Variants in HS3ST5 observed in about 807,000 individuals in gnomAD.
HS3ST5 encodes the protein heparan sulfate-glucosamine 3-sulfotransferase 5.
In HS3ST5, 10 loss-of-function variants were observed where a neutral mutation model predicts 25.4. The observed-to-expected ratio is 0.39, with a 90% CI of 0.24 to 0.67. HS3ST5 has a LOEUF of 0.67. HS3ST5 is among the 30% of genes least tolerant of loss of function. HS3ST5 has a pLI of 0.44. For synonymous variants in HS3ST5, 170 were observed against 162.4 expected, an observed-to-expected ratio of 1.05 and a Z score of -0.36; for missense variants, 324 against 420.7, an observed-to-expected ratio of 0.77 and a Z score of 2.01.
At chr6:114,150,800 C>T (rs1018318594) in intron 3 of HS3ST5, among the ~76,000 whole-genome samples, 3 of 152,196 alleles carry the variant, frequency 2.0e-5, no homozygotes, top group African/African-American at 7.2e-5. Flanking sequence ...TATTTATTCA[C>T]TGCAAGCATG....
intron 3 of HS3ST5, among the ~76,000 whole-genome samples, chr6:114,122,936 G>C (rs1166002855): frequency 6.6e-6 from 1 of 152,124 alleles, no homozygotes; most frequent in East Asian, 1.9e-4. Context: ...TGTATATACA[G>C]ATAGTTTTTG....
intron 1 of HS3ST5, among the ~76,000 whole-genome samples, chr6:114,339,419 T>C (rs1463211361): frequency 6.6e-6 from 1 of 152,144 alleles, no homozygotes; most frequent in Non-Finnish European, 1.5e-5. Context: ...TCCCCTTTTC[T>C]AAAAAATCCT....
rs900332797 is a variant in HS3ST5, at chr6:114,115,603, A to T, written c.-32-52726T>A. 3.3e-5 allele frequency among the ~76,000 whole-genome samples: 5 copies of T among 152,204 alleles called. No individual in the cohort carries two copies. In the South Asian group the frequency reaches 6.2e-4, roughly 19 times the overall value. Reference sequence around the variant, plus strand: ...TTCCCTTATACACAATCCCTCCACAAATGCAAAAAACATGGCTAACTTGCT... The same window carrying T: ...TTCCCTTATACACAATCCCTCCACATATGCAAAAAACATGGCTAACTTGCT... On this transcript the variant is annotated intron_variant, in intron 3 of 4. Coordinates refer to ENST00000312719, the MANE Select transcript of HS3ST5 (RefSeq NM_153612.4).
chr6:114,278,144 C>A (rs1773947861), intron 1 of HS3ST5, among the ~76,000 whole-genome samples: 1 of 151,906 alleles, frequency 6.6e-6, no homozygotes, highest in Admixed American at 6.6e-5. Flanking sequence ...CCAAAAGGGG[C>A]AAAGGAGCAG....
At chr6:114,226,514 G>A (rs1027631571) in intron 2 of HS3ST5, among the ~76,000 whole-genome samples, 5 of 151,766 alleles carry the variant, frequency 3.3e-5, no homozygotes, top group Admixed American at 2.0e-4. Context: ...TAACCAGATT[G>A]TTGTTTACTA....
At chr6:114,258,717 T>G (rs771410796) in intron 1 of HS3ST5, among the ~76,000 whole-genome samples, 2 of 152,168 alleles carry the variant, frequency 1.3e-5, no homozygotes, top group African/African-American at 2.4e-5. Flanking sequence ...ATTTAAAAAC[T>G]GTTGGGTATT....
At position 114,304,381 on chromosome 6, in the gene HS3ST5, T is replaced by A. The variant is rs558645317; in HGVS notation, c.-339+37814A>T. On this transcript the variant is annotated intron_variant, in intron 1 of 4. Transcript: ENST00000312719. The stretch of plus-strand genomic sequence containing the variant: ...GGCTACCACAGAAATAAAGCAGTAG[T>A]GTTCTCACAAAGCTTTGTGCTGCAT... Among the ~76,000 whole-genome samples the A allele has an allele frequency of 3.3e-5, 5 of 152,248 alleles. No homozygotes were observed. In the South Asian group the frequency reaches 1.0e-3, roughly 32 times the overall value.
intron 3 of HS3ST5, among the ~76,000 whole-genome samples, chr6:114,095,507 C>A (rs1229083049): frequency 6.6e-6 from 1 of 152,098 alleles, no homozygotes; most frequent in Non-Finnish European, 1.5e-5. Flanking sequence ...GGGCAAATAA[C>A]CAAAGAAGAC....
At chr6:114,335,698 A>G (rs1297600930) in intron 1 of HS3ST5, among the ~76,000 whole-genome samples, 1 of 149,620 alleles carries the variant, frequency 6.7e-6, no homozygotes, top group Admixed American at 6.7e-5. Flanking sequence ...CTCTGTTGCC[A>G]GGCTGGAGTG....
intron 1 of HS3ST5, chr6:114,251,955 A>G (rs911654205): frequency 6.6e-6 from 1 of 152,196 alleles, no homozygotes; most frequent in Non-Finnish European, 1.5e-5. Context: ...TATAACAGGA[A>G]AGCACTGTAA....
At chr6:114,074,864 G>A (rs1354611996) in intron 3 of HS3ST5, among the ~76,000 whole-genome samples, 1 of 151,880 alleles carries the variant, frequency 6.6e-6, no homozygotes, top group African/African-American at 2.4e-5. Flanking sequence ...CCCCTTCTTA[G>A]GCATGCTAAC....
At chr6:114,237,387 T>C (rs893963755) in intron 1 of HS3ST5, among the ~76,000 whole-genome samples, 2 of 152,070 alleles carry the variant, frequency 1.3e-5, no homozygotes, top group African/African-American at 4.8e-5. Context: ...TGGCTTCTAA[T>C]CTAGGCTCTA....
intron 1 of HS3ST5, among the ~76,000 whole-genome samples, chr6:114,290,744 T>C (rs1334529690): frequency 5.3e-5 from 8 of 152,128 alleles, no homozygotes; most frequent in Admixed American, 2.6e-4. Context: ...TGACAATTAC[T>C]AGGTGCCACT....
intron 2 of HS3ST5, among the ~76,000 whole-genome samples, chr6:114,206,310 T>A (rs1781275145): frequency 6.6e-6 from 1 of 152,170 alleles, no homozygotes; most frequent in Non-Finnish European, 1.5e-5. Context: ...TTCCTCCTGA[T>A]GCACAAAACA....
At chr6:114,107,706 A>G (rs1776062850) in intron 3 of HS3ST5, among the ~76,000 whole-genome samples, 1 of 152,266 alleles carries the variant, frequency 6.6e-6, no homozygotes, top group African/African-American at 2.4e-5. Context: ...GTATTTCTAT[A>G]TACTAGCAGT....
intron 3 of HS3ST5, among the ~76,000 whole-genome samples, chr6:114,065,609 A>G (rs1374606447): frequency 6.6e-6 from 1 of 152,204 alleles, no homozygotes; most frequent in African/African-American, 2.4e-5. Context: ...TGATATTACT[A>G]TATAAAGGTT....
intron 3 of HS3ST5, among the ~76,000 whole-genome samples, chr6:114,078,229 C>T (rs575691895): frequency 7.2e-4 from 109 of 151,616 alleles, no homozygotes; most frequent in East Asian, 5.8e-4. Context: ...TTTTCTGAGA[C>T]GGGGTCTTGC....
chr6:114,147,264 G>C (rs868061098), intron 3 of HS3ST5, among the ~76,000 whole-genome samples: 1 of 152,310 alleles, frequency 6.6e-6, no homozygotes, highest in South Asian at 2.1e-4. Flanking sequence ...TACGAACTCA[G>C]ATGAGGATGC....
intron 1 of HS3ST5, among the ~76,000 whole-genome samples, chr6:114,339,083 T>G (rs906091784): frequency 2.6e-5 from 4 of 152,112 alleles, no homozygotes; most frequent in Admixed American, 1.3e-4. Flanking sequence ...TTCACTTAAT[T>G]GCAATCATCT....
Sources: allele counts gnomAD v4.1 joint callset (sites outside exome capture counted in the v4.1 genomes callset), GRCh38; gene constraint gnomAD v4.1.1; transcripts MANE v1.5; gene names NCBI Gene and HGNC (gene_info 2026-07-23, HGNC 2026-07-21).